The following ARMC2 variants were observed in gnomAD, a reference collection of about 807,000 sequenced individuals.
The protein encoded by ARMC2 is armadillo repeat containing 2.
Under a neutral mutation model 90.3 loss-of-function variants are expected in ARMC2, and 67 were observed. That is an observed-to-expected ratio of 0.74 (90% CI 0.61 to 0.91). ARMC2 has a LOEUF of 0.91. ARMC2 is among the 40% of genes least tolerant of loss of function. ARMC2 has a pLI of 0.00. For synonymous variants in ARMC2, 393 were observed against 393.0 expected, an observed-to-expected ratio of 1.00 and a Z score of 0.00; for missense variants, 920 against 1,030.9, an observed-to-expected ratio of 0.89 and a Z score of 1.47.
chr6:109,046,344 C>G, the ARMC2 span, among the ~76,000 whole-genome samples: 9 of 151,932 alleles, frequency 5.9e-5, no homozygotes, highest in East Asian at 1.9e-4. Context: ...CTTGGCCTCC[C>G]GAGGTGCCGG....
the ARMC2 span, chr6:108,988,791 T>C: frequency 1.1e-6 from 1 of 904,454 alleles, no homozygotes; most frequent in Non-Finnish European, 1.6e-6. Flanking sequence ...TTTTCTCTCT[T>C]TGTGTAGGCA....
intron 4 of ARMC2, among the ~76,000 whole-genome samples, chr6:108,872,931 G>A (rs751638592): frequency 7.9e-5 from 12 of 152,186 alleles, no homozygotes; most frequent in African/African-American, 2.7e-4. Context: ...GCACATGAGC[G>A]TATTAAAGTG....
rs140371577 is a variant in ARMC2, at chr6:108,899,288, G to A, written c.749-406G>A. Among the ~76,000 whole-genome samples, 638 of 152,162 alleles carry A rather than the reference G, an allele frequency of 4.2e-3. 3 individuals carry two copies. Among genetic ancestry groups the A allele is most frequent in the African/African-American group, 0.014 (599 of 41,510 alleles). ...TTTCTATAGAAAATGTCCATTTTAG[G>A]TCTCCCTTTTAGAAAATTTTTCATT... On this transcript the variant is annotated intron_variant, in intron 6 of 17. Coordinates refer to ENST00000392644, the MANE Select transcript of ARMC2 (RefSeq NM_032131.6).
intron 6 of ARMC2, among the ~76,000 whole-genome samples, chr6:108,895,470 C>T (rs1004675544): frequency 6.4e-5 from 7 of 109,636 alleles, no homozygotes; most frequent in East Asian, 2.6e-4. Context: ...GGCGACAGAG[C>T]GAGACTCATC....
At chr6:108,972,458 G>A (rs148139081) in intron 17 of ARMC2, among the ~76,000 whole-genome samples, 39 of 152,240 alleles carry the variant, frequency 2.6e-4, no homozygotes, top group African/African-American at 9.1e-4. Context: ...AAAGTTTAAA[G>A]TGTCAAATTT....
the ARMC2 span, chr6:109,000,733 T>C: frequency 1.6e-6 from 2 of 1,285,574 alleles, no homozygotes; most frequent in Non-Finnish European, 2.0e-6. Context: ...CATATCCTTT[T>C]TATTTACAAC....
At chr6:108,909,349 T>C (rs890219978) in intron 8 of ARMC2, among the ~76,000 whole-genome samples, 11 of 152,146 alleles carry the variant, frequency 7.2e-5, no homozygotes, top group Non-Finnish European at 1.2e-4. Flanking sequence ...TTCCCTAATA[T>C]TAGATACTTA....
chr6:108,988,476 G>C, the ARMC2 span: 21 of 1,387,844 alleles, frequency 1.5e-5, no homozygotes, highest in African/African-American at 1.6e-4. Context: ...AGCACCATTA[G>C]GTTAGGTGAA....
chr6:108,952,610 T>G (rs1000595332), intron 12 of ARMC2, among the ~76,000 whole-genome samples: 4 of 147,346 alleles, frequency 2.7e-5, no homozygotes, highest in African/African-American at 7.6e-5. Flanking sequence ...CTGCCCAAAT[T>G]CAAAAACACC....
At chr6:108,962,452 A>G (rs1360120897) in intron 15 of ARMC2, among the ~76,000 whole-genome samples, 1 of 152,240 alleles carries the variant, frequency 6.6e-6, no homozygotes, top group African/African-American at 2.4e-5. Context: ...CATTTTGCTT[A>G]TAATAGCAAA....
At chr6:108,975,001 C>CTTT (rs769081082), downstream of ARMC2, among the ~76,000 whole-genome samples, 1 of 147,748 alleles carries the variant, frequency 6.8e-6, no homozygotes, top group Non-Finnish European at 1.5e-5. Context: ...TTCTCTCTCT[C>CTTT]TTTTTTTTTT....
In ARMC2 at chr6:108,866,800, A is replaced by G. The variant is rs191912335; in HGVS notation, c.292-2024A>G. 3.5e-4 allele frequency among the ~76,000 whole-genome samples: 53 copies of G among 152,240 alleles called. 1 individual carries two copies. The highest frequency in any genetic ancestry group is 3.1e-3 in the Admixed American group (47 of 15,292). The stretch of plus-strand genomic sequence containing the variant: ...TGTGTTAGAAAAATGTGTCTTTAAT[A>G]TCATAGAACAATTTTTTTGGTCTGG... On this transcript the variant is annotated intron_variant, in intron 3 of 17. Coordinates refer to ENST00000392644, the MANE Select transcript of ARMC2 (RefSeq NM_032131.6).
At chr6:108,963,150 G>A (rs577734772) in intron 15 of ARMC2, among the ~76,000 whole-genome samples, 1 of 152,300 alleles carries the variant, frequency 6.6e-6, no homozygotes, top group South Asian at 2.1e-4. Flanking sequence ...TGTTTGGAAT[G>A]TAATGTTTTA....
At chr6:109,004,568 C>T in the ARMC2 span, among the ~76,000 whole-genome samples, 1 of 151,788 alleles carries the variant, frequency 6.6e-6, no homozygotes, top group Non-Finnish European at 1.5e-5. Context: ...GTAGCTAGGA[C>T]CACAGGCGTG....
chr6:108,892,241 C>A (rs550498348), intron 5 of ARMC2, among the ~76,000 whole-genome samples: 1 of 152,304 alleles, frequency 6.6e-6, no homozygotes, highest in South Asian at 2.1e-4. Context: ...CCCTGACAAA[C>A]TTGGTATTTT....
intron 4 of ARMC2, among the ~76,000 whole-genome samples, chr6:108,874,110 G>A (rs945875597): frequency 1.3e-5 from 2 of 152,172 alleles, no homozygotes; most frequent in Non-Finnish European, 2.9e-5. Flanking sequence ...TGCTGCAACT[G>A]TCTACCGAGA....
the ARMC2 span, chr6:109,002,313 CTAG>C: frequency 6.2e-7 from 1 of 1,613,358 alleles, no homozygotes; most frequent in Non-Finnish European, 8.5e-7. Flanking sequence ...GGTCCCTGTC[CTAG>C]TGGTCGAGGA....
At chr6:108,987,805 TC>T in the ARMC2 span, among the ~76,000 whole-genome samples, 1 of 135,010 alleles carries the variant, frequency 7.4e-6, no homozygotes, top group Admixed American at 7.2e-5. Flanking sequence ...ACAGCAGCTA[TC>T]TTTTTTTTTT....
chr6:109,052,707 ATTGAAT>A, the ARMC2 span, among the ~76,000 whole-genome samples: 1 of 152,210 alleles, frequency 6.6e-6, no homozygotes, highest in Non-Finnish European at 1.5e-5. Flanking sequence ...AGTCATTGAT[ATTGAAT>A]TTGTGATTTA....
Sources: gnomAD v4.1 joint callset for allele counts (sites outside exome capture counted in the v4.1 genomes callset) on GRCh38, gnomAD v4.1.1 for gene constraint, MANE v1.5 for transcripts, NCBI Gene and HGNC (gene_info 2026-07-23, HGNC 2026-07-21) for gene names.